VRK2: variants seen among roughly 807,000 people sequenced by gnomAD.
VRK2 encodes serine/threonine-protein kinase VRK2.
A neutral mutation model predicts 57.6 loss-of-function variants in VRK2; 60 were observed. That is an observed-to-expected ratio of 1.04 (90% CI 0.85 to 1.29). The LOEUF (loss-of-function observed/expected upper bound fraction) is 1.29, where lower values mean the gene tolerates loss of function less well. Among genes scored for constraint, VRK2 ranks in the 50% most tolerant of loss-of-function variants. VRK2 has a pLI of 0.00. For synonymous variants in VRK2, 231 were observed against 199.2 expected (o/e 1.16, Z -1.35); for missense variants, 705 against 588.1 (o/e 1.20, Z -2.06).
chr2:57,973,414 C>T (rs1317439862), intron 1 of VRK2, among the ~76,000 whole-genome samples: 1 of 151,736 alleles, frequency 6.6e-6, no homozygotes, highest in Non-Finnish European at 1.5e-5. Flanking sequence ...ATAAGTGTAT[C>T]AAATTTAAAT....
At chr2:58,115,935 G>A (rs988726064) in intron 7 of VRK2, among the ~76,000 whole-genome samples, 6 of 152,204 alleles carry the variant, frequency 3.9e-5, no homozygotes, top group Admixed American at 6.5e-5. Context: ...GATTGTAGAC[G>A]GAGGTTTTGA....
chr2:57,935,188 A>C (rs926943199), intron 1 of VRK2, among the ~76,000 whole-genome samples: 2 of 152,206 alleles, frequency 1.3e-5, no homozygotes, highest in Non-Finnish European at 2.9e-5. Context: ...TTGAGGAAAC[A>C]ACCACCTTCT....
At chr2:57,944,356 G>A (rs1268294147) in intron 1 of VRK2, among the ~76,000 whole-genome samples, 4 of 152,230 alleles carry the variant, frequency 2.6e-5, no homozygotes, top group South Asian at 2.1e-4. Flanking sequence ...ATTTAAGAGA[G>A]CACTTTAGCT....
At chr2:58,076,419 T>C (rs1348070198) in intron 2 of VRK2, among the ~76,000 whole-genome samples, 1 of 152,050 alleles carries the variant, frequency 6.6e-6, no homozygotes, top group Non-Finnish European at 1.5e-5. Context: ...AAGAGTATCA[T>C]ACCTCATATC....
chr2:57,979,215 G>A (rs1170563960), intron 1 of VRK2, among the ~76,000 whole-genome samples: 1 of 150,942 alleles, frequency 6.6e-6, no homozygotes, highest in Non-Finnish European at 1.5e-5. Context: ...GGTATTTCTG[G>A]TTCTAGATCC....
intron 1 of VRK2, among the ~76,000 whole-genome samples, chr2:57,962,482 C>A (rs148861873): frequency 1.3e-5 from 2 of 151,980 alleles, no homozygotes; most frequent in Admixed American, 1.3e-4. Context: ...GTAAACTGTA[C>A]GTCACAGAAG....
intron 7 of VRK2, among the ~76,000 whole-genome samples, chr2:58,115,533 A>T (rs1676310360): frequency 1.4e-5 from 2 of 139,834 alleles, no homozygotes; most frequent in Admixed American, 1.5e-4. Context: ...CTAGGCTAAG[A>T]CAGTAAGGTC....
intron 1 of VRK2, among the ~76,000 whole-genome samples, chr2:57,964,780 A>C (rs954920945): frequency 6.2e-5 from 9 of 144,722 alleles, no homozygotes; most frequent in Non-Finnish European, 9.0e-5. Flanking sequence ...CAGCTACTTG[A>C]GAGGCTGAGG....
chr2:57,921,602 A>T (rs1670352933), intron 1 of VRK2, among the ~76,000 whole-genome samples: 1 of 152,136 alleles, frequency 6.6e-6, no homozygotes, highest in Non-Finnish European at 1.5e-5. Flanking sequence ...TCAAAAAAGT[A>T]ACACCTTAAA....
intron 1 of VRK2, among the ~76,000 whole-genome samples, chr2:57,990,055 G>A (rs1672714653): frequency 6.6e-6 from 1 of 152,132 alleles, no homozygotes; most frequent in Non-Finnish European, 1.5e-5. Context: ...GCTAGTGTTG[G>A]AAAAGAATGG....
Position 58,139,739 on chromosome 2 carries a change from G to T in VRK2, c.930G>T (p.Lys310Asn). 6.2e-7 allele frequency: 1 copy of T among 1,613,176 alleles called. No individual in the cohort carries two copies. The highest frequency in any genetic ancestry group is 1.3e-5 in the African/African-American group (1 of 74,972). The change falls in exon 11 of 13, where the codon AAG becomes AAT. Residue 310 changes from lysine to asparagine, a missense_variant. Coordinates refer to ENST00000340157, the MANE Select transcript of VRK2 (RefSeq NM_006296.7). ...AAAAGCCAAACTATCAAGCCCTCAA[G>T]AAAATTTTGAACCCTCATGGAATAC... ...YDEKPNYQALKKILNPHGIPL... is the reference protein window; with the variant it reads ...YDEKPNYQALNKILNPHGIPL...
At chr2:57,940,762 TCA>T (rs1671066982) in intron 1 of VRK2, among the ~76,000 whole-genome samples, 1 of 152,172 alleles carries the variant, frequency 6.6e-6, no homozygotes, top group African/African-American at 2.4e-5. Context: ...ACTTCTGTTC[TCA>T]CAGTTTCACA....
chr2:58,132,691 A>G (rs2104546580), intron 9 of VRK2, among the ~76,000 whole-genome samples: 1 of 152,314 alleles, frequency 6.6e-6, no homozygotes, highest in South Asian at 2.1e-4. Context: ...TAGGAAAATC[A>G]CAACAGAAGA....
At chr2:58,127,837 G>T (rs1681716221) in intron 8 of VRK2, among the ~76,000 whole-genome samples, 1 of 152,056 alleles carries the variant, frequency 6.6e-6, no homozygotes, top group South Asian at 2.1e-4. Context: ...ATGTTACTCG[G>T]TATAAGAAAT....
At chr2:58,147,070 C>A in intron 12 of VRK2, 1 of 466,950 alleles carries the variant, frequency 2.1e-6, no homozygotes, top group South Asian at 1.6e-5. Flanking sequence ...ACCATCATTT[C>A]CCCCAAATGA....
upstream of VRK2, chr2:58,046,677 G>C (rs1674787214): frequency 1.0e-6 from 1 of 985,606 alleles, no homozygotes. Context: ...GCTGCGGCCT[G>C]TGTGAGGCTC....
intron 7 of VRK2, among the ~76,000 whole-genome samples, chr2:58,106,715 AT>A (rs55649487): frequency 1.3e-5 from 2 of 152,190 alleles, no homozygotes; most frequent in South Asian, 4.1e-4. Context: ...AAAGCAGATT[AT>A]TTTTAAGGAT....
At chr2:57,931,119 T>C (rs1025954058) in intron 1 of VRK2, among the ~76,000 whole-genome samples, 3 of 152,136 alleles carry the variant, frequency 2.0e-5, no homozygotes, top group Non-Finnish European at 4.4e-5. Flanking sequence ...AATGTGGGTA[T>C]CTTTTCAGGA....
chr2:58,157,403 G>A (rs967624826), intron 12 of VRK2, among the ~76,000 whole-genome samples: 8 of 152,076 alleles, frequency 5.3e-5, no homozygotes, highest in South Asian at 2.1e-4. Context: ...AGGATGTTTC[G>A]CATCATTCCT....
Sources: allele counts gnomAD v4.1 joint callset (sites outside exome capture counted in the v4.1 genomes callset), GRCh38; gene constraint gnomAD v4.1.1; transcripts MANE v1.5; gene names NCBI Gene and HGNC (gene_info 2026-07-23, HGNC 2026-07-21).